SLC44A5: variants seen among roughly 807,000 people sequenced by gnomAD.
SLC44A5 encodes the protein solute carrier family 44 member 5, also known as choline transporter-like protein 5.
Under a neutral mutation model 101.8 loss-of-function variants are expected in SLC44A5, and 57 were observed. That is an observed-to-expected ratio of 0.56 (90% CI 0.45 to 0.70). The LOEUF is 0.70. Ranked by LOEUF, SLC44A5 falls within the 30% of genes least tolerant of loss-of-function variation. The pLI is 0.00. For synonymous variants in SLC44A5, 281 were observed against 290.9 expected (o/e 0.97, Z 0.35); for missense variants, 737 against 853.1 (o/e 0.86, Z 1.70).
the SLC44A5 span, chr1:75,677,798 C>T: frequency 2.4e-6 from 1 of 412,794 alleles, no homozygotes; most frequent in South Asian, 1.7e-5. Context: ...TCTACAGCTC[C>T]CAGCCTGAGC....
At chr1:75,307,951 T>A (rs1655032813) in intron 4 of SLC44A5, among the ~76,000 whole-genome samples, 1 of 152,212 alleles carries the variant, frequency 6.6e-6, no homozygotes, top group Non-Finnish European at 1.5e-5. Flanking sequence ...CATGAACCTG[T>A]ATTTTCAGGT....
chr1:75,679,668 G>T, the SLC44A5 span, among the ~76,000 whole-genome samples: 1 of 151,984 alleles, frequency 6.6e-6, no homozygotes, highest in African/African-American at 2.4e-5. Context: ...ATGCCAAAAT[G>T]TAAAGACCAT....
Position 75,273,338 on chromosome 1 carries a change from T to C in SLC44A5, c.260+1620A>G, listed in dbSNP as rs1396337792. ...CATATCATCAGCAAACAGTGACAGTTTGACTTCCTCTTTTCCAACTTGCCC... is the reference window on the plus strand; with the variant it reads ...CATATCATCAGCAAACAGTGACAGTCTGACTTCCTCTTTTCCAACTTGCCC... On this transcript the variant is annotated intron_variant, in intron 6 of 23. Transcript: ENST00000370859. Among the ~76,000 whole-genome samples the C allele has an allele frequency of 2.0e-5, 3 of 152,146 alleles. No homozygotes were observed. In the East Asian group the frequency reaches 5.8e-4, roughly 29 times the overall value.
chr1:75,411,612 AC>A (rs1663284253), intron 2 of SLC44A5, among the ~76,000 whole-genome samples: 1 of 152,094 alleles, frequency 6.6e-6, no homozygotes. Flanking sequence ...TCAACCCATA[AC>A]AGAGCCAAAT....
chr1:75,578,515 TAAGTG>T (rs1483966256), intron 1 of SLC44A5, among the ~76,000 whole-genome samples: 1 of 152,178 alleles, frequency 6.6e-6, no homozygotes, highest in African/African-American at 2.4e-5. Context: ...TGCAGTGTGC[TAAGTG>T]AAGTAAGCCC....
the SLC44A5 span, among the ~76,000 whole-genome samples, chr1:75,665,932 C>T: frequency 2.0e-5 from 3 of 152,154 alleles, no homozygotes; most frequent in Admixed American, 2.0e-4. Flanking sequence ...CATCTCATAC[C>T]AGTCAGAATG....
intron 2 of SLC44A5, among the ~76,000 whole-genome samples, chr1:75,464,221 CAAAAAAAAAAA>C (rs57630961): frequency 1.9e-5 from 1 of 52,236 alleles, no homozygotes; most frequent in African/African-American, 7.4e-5. Flanking sequence ...GACTCTGTCT[CAAAAAAAAAAA>C]AAAAAAAAAA....
At chr1:75,461,054 C>T (rs887646272) in intron 2 of SLC44A5, among the ~76,000 whole-genome samples, 4 of 151,064 alleles carry the variant, frequency 2.6e-5, no homozygotes, top group African/African-American at 7.3e-5. Context: ...ACCCAATGTC[C>T]GAGAAAAAGA....
chr1:75,529,820 A>T (rs211776), intron 2 of SLC44A5, among the ~76,000 whole-genome samples: 34,561 of 152,018 alleles, frequency 0.23, 4,222 homozygotes, highest in Admixed American at 0.31. Context: ...CTTAATTCAA[A>T]ATATTCTGCT....
chr1:75,212,160 T>C (rs1461610973), intron 22 of SLC44A5, among the ~76,000 whole-genome samples: 1 of 152,194 alleles, frequency 6.6e-6, no homozygotes, highest in Non-Finnish European at 1.5e-5. Context: ...ATTTCTGAAA[T>C]ATTCTTTTGA....
At chr1:75,638,677 C>T in the SLC44A5 span, among the ~76,000 whole-genome samples, 8 of 152,144 alleles carry the variant, frequency 5.3e-5, no homozygotes, top group South Asian at 4.1e-4. Flanking sequence ...CCAAGGAAAA[C>T]GGTCCTTCTT....
intron 10 of SLC44A5, among the ~76,000 whole-genome samples, chr1:75,237,836 C>A (rs1648237785): frequency 6.7e-6 from 1 of 150,290 alleles, no homozygotes; most frequent in Admixed American, 6.6e-5. Flanking sequence ...TAATTATACT[C>A]CTAAAGTCTT....
the SLC44A5 span, among the ~76,000 whole-genome samples, chr1:75,632,428 A>G: frequency 6.6e-6 from 1 of 152,120 alleles, no homozygotes; most frequent in Non-Finnish European, 1.5e-5. Context: ...AAAATAATTC[A>G]AACAAGGATC....
At chr1:75,433,869 G>C (rs1362927983) in intron 2 of SLC44A5, among the ~76,000 whole-genome samples, 2 of 152,114 alleles carry the variant, frequency 1.3e-5, no homozygotes, top group Admixed American at 1.3e-4. Context: ...CATGGCAGAA[G>C]AGTAAGGGAA....
At chr1:75,704,826 A>T in the SLC44A5 span, among the ~76,000 whole-genome samples, 1 of 152,210 alleles carries the variant, frequency 6.6e-6, no homozygotes, top group South Asian at 2.1e-4. Flanking sequence ...TTCTTACATT[A>T]CATAGTCGGG....
chr1:75,669,632 G>A, the SLC44A5 span, among the ~76,000 whole-genome samples: 1 of 152,020 alleles, frequency 6.6e-6, no homozygotes. Flanking sequence ...AACTCTTGTT[G>A]TCAGAATTCT....
chr1:75,336,022 G>A (rs936939067), intron 4 of SLC44A5, among the ~76,000 whole-genome samples: 4 of 152,116 alleles, frequency 2.6e-5, no homozygotes, highest in African/African-American at 4.8e-5. Flanking sequence ...ATTTCCCTTG[G>A]AGGACAGAGG....
chr1:75,286,426 G>A (rs1000549227), intron 5 of SLC44A5, among the ~76,000 whole-genome samples: 26 of 151,984 alleles, frequency 1.7e-4, no homozygotes, highest in African/African-American at 6.3e-4. Context: ...TGTCCATTCC[G>A]CCAATCCAAA....
chr1:75,601,793 C>A (rs1026666428), intron 1 of SLC44A5, among the ~76,000 whole-genome samples: 1 of 152,140 alleles, frequency 6.6e-6, no homozygotes, highest in African/African-American at 2.4e-5. Flanking sequence ...TCAACGACAT[C>A]ATCTAACCAC....
Sources: gnomAD v4.1 joint callset for allele counts (sites outside exome capture counted in the v4.1 genomes callset) on GRCh38, gnomAD v4.1.1 for gene constraint, MANE v1.5 for transcripts, NCBI Gene and HGNC (gene_info 2026-07-23, HGNC 2026-07-21) for gene names.